Variants in DGLUCY observed in about 807,000 individuals in gnomAD.
The protein encoded by DGLUCY is D-glutamate cyclase.
Under a neutral mutation model 58.5 loss-of-function variants are expected in DGLUCY, and 58 were observed. That is an observed-to-expected ratio of 0.99 (90% confidence interval 0.80 to 1.23). DGLUCY has a LOEUF of 1.23. DGLUCY is among the 50% of genes most tolerant of loss of function. DGLUCY has a pLI of 0.00. For missense variants in DGLUCY, 779 were observed against 784.7 expected (o/e 0.99, Z 0.09); for synonymous variants, 325 against 314.1 (o/e 1.03, Z -0.37).
At chr14:91,203,400 C>T (rs974460134) in intron 11 of DGLUCY, among the ~76,000 whole-genome samples, 11 of 152,322 alleles carry the variant, frequency 7.2e-5, no homozygotes, top group South Asian at 6.2e-4. Flanking sequence ...AGAATTCTTC[C>T]GCATCTTCCA....
chr14:91,177,567 AAGAT>A (rs1160635165), intron 7 of DGLUCY, among the ~76,000 whole-genome samples: 1 of 152,246 alleles, frequency 6.6e-6, no homozygotes, highest in East Asian at 1.9e-4. Context: ...AGCTCTCAGT[AAGAT>A]AGGAAGGTGA....
chr14:91,134,111 C>G (rs1168625827), intron 1 of DGLUCY, among the ~76,000 whole-genome samples: 1 of 152,150 alleles, frequency 6.6e-6, no homozygotes, highest in Non-Finnish European at 1.5e-5. Context: ...GTCTGTTGCT[C>G]TTGTTTAAAA....
intron 1 of DGLUCY, among the ~76,000 whole-genome samples, chr14:91,079,816 T>C (rs2044094311): frequency 6.6e-6 from 1 of 152,206 alleles, no homozygotes; most frequent in Non-Finnish European, 1.5e-5. Flanking sequence ...ATGGTAAATA[T>C]ATATAACATG....
chr14:91,128,173 T>G (rs911794678), intron 1 of DGLUCY, among the ~76,000 whole-genome samples: 1 of 151,738 alleles, frequency 6.6e-6, no homozygotes, highest in South Asian at 2.1e-4. Context: ...TGATTGCAAT[T>G]GATGTTAAGA....
exon 1 of DGLUCY, chr14:91,060,444 T>C (rs1170398535): frequency 6.9e-7 from 1 of 1,457,358 alleles, no homozygotes. Context: ...TCTTCTCCTT[T>C]TTTTCCGATC....
chr14:91,092,183 G>A (rs1218471602), intron 1 of DGLUCY, among the ~76,000 whole-genome samples: 1 of 152,088 alleles, frequency 6.6e-6, no homozygotes, highest in South Asian at 2.1e-4. Flanking sequence ...CTAATTTAAC[G>A]CTTGATCTTA....
intron 13 of DGLUCY, chr14:91,223,799 C>T (rs1410687678): frequency 1.0e-5 from 10 of 969,498 alleles, no homozygotes; most frequent in South Asian, 5.8e-5. Context: ...TTTGCTTGTA[C>T]GTAATCCTCA....
At chr14:91,209,279 C>T (rs1012871515) in intron 12 of DGLUCY, among the ~76,000 whole-genome samples, 8 of 151,002 alleles carry the variant, frequency 5.3e-5, no homozygotes, top group East Asian at 2.0e-4. Flanking sequence ...ACAACAACGA[C>T]GACAAAACAA....
intron 1 of DGLUCY, among the ~76,000 whole-genome samples, chr14:91,117,016 T>C (rs986263021): frequency 9.9e-5 from 15 of 151,358 alleles, no homozygotes; most frequent in African/African-American, 3.4e-4. Flanking sequence ...TACTTAACGG[T>C]TATTTATTGA....
intron 9 of DGLUCY, 104 bp from the exon 10 acceptor site, chr14:91,196,271 A>G (rs2295527): frequency 0.13 from 101,967 of 812,736 alleles, 8,931 homozygotes; most frequent in African/African-American, 0.37. Flanking sequence ...ATGTTGTTCA[A>G]CAACAGTAAT....
At chr14:91,167,743 T>C (rs2140383548) in intron 4 of DGLUCY, 2 of 681,724 alleles carry the variant, frequency 2.9e-6, no homozygotes, top group Middle Eastern at 2.4e-4. Context: ...AGAGATATTG[T>C]GTCTGTTCTC....
At chr14:91,174,003 A>G (rs1036121377) in intron 6 of DGLUCY, among the ~76,000 whole-genome samples, 2 of 152,096 alleles carry the variant, frequency 1.3e-5, no homozygotes, top group Non-Finnish European at 2.9e-5. Flanking sequence ...CTAAGGTAGG[A>G]TTAGAGGGTT....
chr14:91,151,400 C>T (rs1021755962), intron 1 of DGLUCY, among the ~76,000 whole-genome samples: 4 of 151,914 alleles, frequency 2.6e-5, no homozygotes, highest in South Asian at 4.2e-4. Flanking sequence ...CCACCACACC[C>T]GGCTAATTTT....
At position 91,181,639 on chromosome 14, in the gene DGLUCY, CTCTTTCTTTCTTTT is replaced by C. The variant is rs569308160; in HGVS notation, c.934+251_934+264del. Among the ~76,000 whole-genome samples the C allele has an allele frequency of 5.5e-3, 777 of 142,046 alleles. 4 individuals are homozygous for C. The highest frequency in any genetic ancestry group is 0.01 in the Non-Finnish European group (631 of 62,960). 93.2% of individuals were successfully genotyped at this position (142,046 alleles called of 152,430 possible). The stretch of plus-strand genomic sequence containing the variant: ...TTACTTTCTTTTTCTTTCTTTCTTT[CTCTTTCTTTCTTTT>C]GTTTTCTTTCTTTTCTTTCTTTTTT... On this transcript the variant is annotated intron_variant, in intron 8 of 13. Transcript: ENST00000256324.
At chr14:91,214,182 T>C (rs1407824159) in intron 12 of DGLUCY, among the ~76,000 whole-genome samples, 2 of 152,098 alleles carry the variant, frequency 1.3e-5, no homozygotes, top group Non-Finnish European at 2.9e-5. Context: ...CTCTCCATGC[T>C]CCCATAATTC....
At chr14:91,082,279 T>A (rs1313521314) in intron 1 of DGLUCY, among the ~76,000 whole-genome samples, 2 of 152,210 alleles carry the variant, frequency 1.3e-5, no homozygotes, top group Non-Finnish European at 2.9e-5. Flanking sequence ...CACTCCCCCC[T>A]TCCCATGAAA....
At chr14:91,077,667 G>A (rs1188527273) in intron 1 of DGLUCY, among the ~76,000 whole-genome samples, 4 of 151,758 alleles carry the variant, frequency 2.6e-5, no homozygotes, top group East Asian at 3.9e-4. Context: ...CAGGCGAATC[G>A]CTTGAACCCG....
At chr14:91,139,012 C>G (rs1460744219) in intron 1 of DGLUCY, among the ~76,000 whole-genome samples, 1 of 152,074 alleles carries the variant, frequency 6.6e-6, no homozygotes, top group Non-Finnish European at 1.5e-5. Context: ...TCATTGTTCT[C>G]CAGAGAAACA....
intron 12 of DGLUCY, among the ~76,000 whole-genome samples, chr14:91,207,960 C>T (rs912231216): frequency 1.3e-5 from 2 of 152,130 alleles, no homozygotes; most frequent in Non-Finnish European, 2.9e-5. Flanking sequence ...GTTGGTCAGG[C>T]TGGTCTCAAA....
Sources: allele counts gnomAD v4.1 joint callset (sites outside exome capture counted in the v4.1 genomes callset), GRCh38; gene constraint gnomAD v4.1.1; transcripts MANE v1.5; gene names NCBI Gene and HGNC (gene_info 2026-07-23, HGNC 2026-07-21).